CD86: variants seen among roughly 807,000 people sequenced by gnomAD.
CD86 encodes CD86 molecule.
A neutral mutation model predicts 32.1 loss-of-function variants in CD86; 11 were observed. The ratio of observed to expected loss-of-function variants is 0.34; its 90% CI spans 0.22 to 0.57. The LOEUF (loss-of-function observed/expected upper bound fraction) is 0.57, where lower values mean the gene tolerates loss of function less well. Ranked by LOEUF, CD86 falls within the 20% of genes least tolerant of loss-of-function variation. The probability of loss-of-function intolerance (pLI) is 0.86; values close to 1 mark genes in which losing one functional copy is unlikely to be tolerated. For missense variants in CD86, 359 were observed against 398.4 expected (o/e 0.90, Z 0.84); for synonymous variants, 137 against 135.3 (o/e 1.01, Z -0.09).
intron 4 of CD86, 72 bp from the exon 5 acceptor site, chr3:122,109,189 TAAAG>T (rs941982798): frequency 6.8e-7 from 1 of 1,475,296 alleles, no homozygotes; most frequent in African/African-American, 1.4e-5. Flanking sequence ...GGCAGGTAAA[TAAAG>T]AGAAGAGCAG....
At chr3:122,104,599 G>A (rs1324607031) in intron 3 of CD86, among the ~76,000 whole-genome samples, 2 of 152,090 alleles carry the variant, frequency 1.3e-5, no homozygotes, top group Non-Finnish European at 2.9e-5. Context: ...CCCTCAGGCT[G>A]TCCCTTCATA....
chr3:122,067,416 A>T (rs1294383590), intron 1 of CD86, among the ~76,000 whole-genome samples: 1 of 152,246 alleles, frequency 6.6e-6, no homozygotes, highest in Non-Finnish European at 1.5e-5. Context: ...AAGAAAGAAT[A>T]CAGGGTGACA....
chr3:122,114,682 AG>A (rs2073223994), intron 5 of CD86, among the ~76,000 whole-genome samples: 1 of 152,244 alleles, frequency 6.6e-6, no homozygotes, highest in Admixed American at 6.5e-5. Flanking sequence ...GGTTTATTCA[AG>A]AAACACAGGT....
chr3:122,112,290 A>G (rs1449548973), intron 5 of CD86, among the ~76,000 whole-genome samples: 2 of 152,110 alleles, frequency 1.3e-5, no homozygotes, highest in African/African-American at 4.8e-5. Context: ...CCTTTTTCAA[A>G]AGAAATTATT....
chr3:122,088,519 G>A (rs192910814), intron 1 of CD86, among the ~76,000 whole-genome samples: 127 of 152,216 alleles, frequency 8.3e-4, no homozygotes, highest in South Asian at 5.4e-3. Flanking sequence ...CTCCCTTCCA[G>A]CCAATAGATT....
Position 122,105,070 on chromosome 3 carries a change from C to G in CD86, c.401-1128C>G, listed in dbSNP as rs76021966. Among the ~76,000 whole-genome samples the G allele has an allele frequency of 8.5e-5, 13 of 152,254 alleles. No individual in the cohort carries two copies. In the East Asian group the frequency reaches 2.3e-3, roughly 27 times the overall value. On this transcript the variant is annotated intron_variant, in intron 3 of 6. Coordinates refer to ENST00000330540, the MANE Select transcript of CD86 (RefSeq NM_175862.5). Reference sequence around the variant, plus strand: ...GAATGGAGAGCTGCTCCCTTTGAACCCTGTGTGATTTAAACTAGGCTGCAG... The same window carrying G: ...GAATGGAGAGCTGCTCCCTTTGAACGCTGTGTGATTTAAACTAGGCTGCAG...
chr3:122,098,215 A>T (rs1229885908), intron 2 of CD86, among the ~76,000 whole-genome samples: 1 of 152,210 alleles, frequency 6.6e-6, no homozygotes, highest in Non-Finnish European at 1.5e-5. Flanking sequence ...AATAAATATA[A>T]GTCAGCATGA....
chr3:122,071,571 A>C (rs2072489032), intron 1 of CD86, among the ~76,000 whole-genome samples: 1 of 152,122 alleles, frequency 6.6e-6, no homozygotes, highest in African/African-American at 2.4e-5. Context: ...ATACATATTC[A>C]CGTGTAGGTT....
intron 2 of CD86, 85 bp downstream of exon 2, chr3:122,091,735 G>A: frequency 2.6e-6 from 3 of 1,140,002 alleles, no homozygotes; most frequent in East Asian, 4.7e-5. Flanking sequence ...CCTGAGACTT[G>A]GTGGGTTTTA....
At chr3:122,107,790 C>T (rs976422936) in intron 4 of CD86, among the ~76,000 whole-genome samples, 1 of 152,200 alleles carries the variant, frequency 6.6e-6, no homozygotes, top group African/African-American at 2.4e-5. Context: ...CTGTGAACAG[C>T]CCACGGGGCC....
At chr3:122,101,507 AAAAAAAATATATATATAT>A (rs1331155471) in intron 2 of CD86, among the ~76,000 whole-genome samples, 2 of 79,780 alleles carry the variant, frequency 2.5e-5, no homozygotes, top group East Asian at 3.9e-4. Flanking sequence ...AAAAAAAAAA[AAAAAAAATATATATATAT>A]ATATATATAT....
At chr3:122,090,316 C>T (rs1421488066) in intron 1 of CD86, among the ~76,000 whole-genome samples, 1 of 152,160 alleles carries the variant, frequency 6.6e-6, no homozygotes, top group Non-Finnish European at 1.5e-5. Flanking sequence ...TAGACAACAC[C>T]GTCTGGGGCA....
At chr3:122,075,993 GT>G (rs1432159000) in intron 1 of CD86, among the ~76,000 whole-genome samples, 1 of 152,142 alleles carries the variant, frequency 6.6e-6, no homozygotes, top group Non-Finnish European at 1.5e-5. Flanking sequence ...GCTCAGAGAG[GT>G]TAAATAACTG....
chr3:122,056,881 G>A (rs2072246002), intron 1 of CD86, among the ~76,000 whole-genome samples: 1 of 152,248 alleles, frequency 6.6e-6, no homozygotes, highest in Non-Finnish European at 1.5e-5. Flanking sequence ...TGCTAGCACT[G>A]TCTGCAGAGG....
intron 4 of CD86, among the ~76,000 whole-genome samples, chr3:122,107,046 G>C (rs1374825807): frequency 1.3e-5 from 2 of 152,106 alleles, no homozygotes; most frequent in Non-Finnish European, 2.9e-5. Context: ...TTTTTAAAAG[G>C]TTGAATTGGA....
chr3:122,058,858 T>C (rs2107495172), intron 1 of CD86, among the ~76,000 whole-genome samples: 1 of 152,194 alleles, frequency 6.6e-6, no homozygotes, highest in East Asian at 1.9e-4. Context: ...GGCGAGGGCA[T>C]GAAACCAGGG....
At chr3:122,058,758 TA>T (rs991910619) in intron 1 of CD86, among the ~76,000 whole-genome samples, 1 of 152,002 alleles carries the variant, frequency 6.6e-6, no homozygotes, top group Admixed American at 6.6e-5. Flanking sequence ...AAATTTACTT[TA>T]AAAAAAATCC....
intron 2 of CD86, among the ~76,000 whole-genome samples, chr3:122,102,406 CTTTTTTT>C (rs1011413952): frequency 4.8e-4 from 27 of 56,158 alleles, no homozygotes; most frequent in East Asian, 7.0e-4. Flanking sequence ...CCACTGCTTA[CTTTTTTT>C]TTTTTTTTTT....
At chr3:122,084,877 ATG>A (rs1252722459) in intron 1 of CD86, among the ~76,000 whole-genome samples, 1 of 152,158 alleles carries the variant, frequency 6.6e-6, no homozygotes, top group Non-Finnish European at 1.5e-5. Context: ...AGCCAAGGAT[ATG>A]TGTTTCTTTT....
Sources: gnomAD v4.1 joint callset for allele counts (sites outside exome capture counted in the v4.1 genomes callset) on GRCh38, gnomAD v4.1.1 for gene constraint, MANE v1.5 for transcripts, NCBI Gene and HGNC (gene_info 2026-07-23, HGNC 2026-07-21) for gene names.